The following CYP4X1 variants were observed in gnomAD, a reference collection of about 807,000 sequenced individuals.
CYP4X1 encodes cytochrome P450 family 4 subfamily X member 1.
In CYP4X1, 44 loss-of-function variants were observed where a neutral mutation model predicts 57.9. The observed-to-expected ratio is 0.76, with a 90% CI of 0.60 to 0.98. The LOEUF (loss-of-function observed/expected upper bound fraction) is 0.98. CYP4X1 is among the 50% of genes least tolerant of loss of function. The pLI is 0.00. For synonymous variants in CYP4X1, 227 were observed against 228.6 expected (o/e 0.99, Z 0.06); for missense variants, 532 against 623.9 (o/e 0.85, Z 1.57).
chr1:46,991,024 T>C, the CYP4X1 span, among the ~76,000 whole-genome samples: 1 of 150,274 alleles, frequency 6.7e-6, no homozygotes, highest in Non-Finnish European at 1.5e-5. Context: ...GTTCTGCACA[T>C]GTATCCCAGA....
the CYP4X1 span, among the ~76,000 whole-genome samples, chr1:46,986,615 T>A: frequency 2.0e-5 from 3 of 150,450 alleles, no homozygotes; most frequent in African/African-American, 7.4e-5. Flanking sequence ...AAGGAAAAAA[T>A]GTTAAGGGCA....
downstream of CYP4X1, among the ~76,000 whole-genome samples, chr1:47,053,852 C>T (rs1644374691): frequency 6.6e-6 from 1 of 152,170 alleles, no homozygotes; most frequent in African/African-American, 2.4e-5. Flanking sequence ...CAAAAATTTT[C>T]TCCCATTCTG....
At chr1:47,045,952 G>A (rs575189694) in intron 8 of CYP4X1, among the ~76,000 whole-genome samples, 1 of 152,158 alleles carries the variant, frequency 6.6e-6, no homozygotes, top group Non-Finnish European at 1.5e-5. Context: ...TCTGTTCTGA[G>A]TTATAGCCTT....
the CYP4X1 span, among the ~76,000 whole-genome samples, chr1:47,014,810 G>A: frequency 6.6e-6 from 1 of 152,126 alleles, no homozygotes; most frequent in Non-Finnish European, 1.5e-5. Context: ...AGAAGTATGA[G>A]CCTTCACAGG....
chr1:47,011,567 T>C, the CYP4X1 span, among the ~76,000 whole-genome samples: 7 of 152,288 alleles, frequency 4.6e-5, no homozygotes, highest in African/African-American at 1.7e-4. Flanking sequence ...TGTGATCTAA[T>C]TAAACTAAAG....
At chr1:47,035,680 T>C in intron 4 of CYP4X1, 126 bp from the exon 5 acceptor site, 1 of 1,379,494 alleles carries the variant, frequency 7.2e-7, no homozygotes, top group South Asian at 1.6e-5. Context: ...TCATGTGATC[T>C]TTGGTTCCTG....
At chr1:47,025,389 A>G (rs1433514888) in intron 1 of CYP4X1, among the ~76,000 whole-genome samples, 1 of 152,192 alleles carries the variant, frequency 6.6e-6, no homozygotes, top group Non-Finnish European at 1.5e-5. Context: ...CTCTTTGTGA[A>G]TGACCCAGCC....
chr1:47,035,094 G>GGCT (rs1024888070), intron 4 of CYP4X1, among the ~76,000 whole-genome samples: 3 of 149,312 alleles, frequency 2.0e-5, no homozygotes, highest in African/African-American at 7.4e-5. Context: ...TTAAGCTAGG[G>GGCT]GCTAGGTGCT....
At chr1:47,005,395 C>G in the CYP4X1 span, among the ~76,000 whole-genome samples, 1 of 152,032 alleles carries the variant, frequency 6.6e-6, no homozygotes, top group Non-Finnish European at 1.5e-5. Context: ...GGGGGTTTGG[C>G]CTTTAAAAAT....
chr1:46,974,047 G>A, the CYP4X1 span, among the ~76,000 whole-genome samples: 1 of 151,980 alleles, frequency 6.6e-6, no homozygotes, highest in South Asian at 2.1e-4. Context: ...TTTTTCATGT[G>A]AGTGATTAGT....
chr1:46,972,733 G>A, the CYP4X1 span, among the ~76,000 whole-genome samples: 1 of 152,028 alleles, frequency 6.6e-6, no homozygotes, highest in Non-Finnish European at 1.5e-5. Flanking sequence ...TTGGCTCTCA[G>A]CTTGGATGCT....
At chr1:46,966,104 C>T in the CYP4X1 span, among the ~76,000 whole-genome samples, 1 of 152,222 alleles carries the variant, frequency 6.6e-6, no homozygotes. Flanking sequence ...ATGGCTGCCA[C>T]TCCTCCCACT....
upstream of CYP4X1, among the ~76,000 whole-genome samples, chr1:47,020,787 T>A (rs1643987813): frequency 6.6e-6 from 1 of 152,212 alleles, no homozygotes; most frequent in Admixed American, 6.5e-5. Flanking sequence ...ATAATAGACT[T>A]CCACATCTTA....
the CYP4X1 span, among the ~76,000 whole-genome samples, chr1:46,971,319 A>G: frequency 6.6e-6 from 1 of 152,132 alleles, no homozygotes; most frequent in Non-Finnish European, 1.5e-5. Flanking sequence ...TATTGAGTCC[A>G]CTGTTGATGG....
chr1:46,981,418 A>T, the CYP4X1 span, among the ~76,000 whole-genome samples: 1 of 152,216 alleles, frequency 6.6e-6, no homozygotes, highest in South Asian at 2.1e-4. Flanking sequence ...AATGCAAATC[A>T]AAACCACAAT....
At chr1:47,041,450 A>G (rs1644245657) in intron 8 of CYP4X1, among the ~76,000 whole-genome samples, 1 of 151,990 alleles carries the variant, frequency 6.6e-6, no homozygotes, top group Non-Finnish European at 1.5e-5. Context: ...CCTCACCAAC[A>G]TTTGTCTTTT....
chr1:47,039,356 C>T lies in CYP4X1; in HGVS notation c.897C>T (p.Ser299=). ...IVLSAKDESG[S]SFSDIDVHSE... ...GTACTTTCTAGGATGAAAGTGGTAG[C>T]AGCTTCTCAGATATTGATGTACACT... is the stretch of plus-strand genomic sequence containing the variant. Residue 299 remains serine, a synonymous_variant, in exon 8 of 12, where the codon AGC becomes AGT. Transcript: ENST00000371901. The T allele has an allele frequency of 6.3e-7, 1 of 1,594,478 alleles. No homozygotes were observed. Among genetic ancestry groups the T allele is most frequent in the Non-Finnish European group, 8.5e-7 (1 of 1,172,634 alleles).
At chr1:47,041,912 G>A (rs1644250479) in intron 8 of CYP4X1, among the ~76,000 whole-genome samples, 1 of 151,982 alleles carries the variant, frequency 6.6e-6, no homozygotes, top group Non-Finnish European at 1.5e-5. Flanking sequence ...ATAGTTTCAG[G>A]TCATATGTTT....
the CYP4X1 span, among the ~76,000 whole-genome samples, chr1:46,985,663 G>A: frequency 6.6e-6 from 1 of 152,174 alleles, no homozygotes; most frequent in African/African-American, 2.4e-5. Flanking sequence ...AGCTTCCAGA[G>A]GAAGAAACAG....
Sources: gnomAD v4.1 joint callset for allele counts (sites outside exome capture counted in the v4.1 genomes callset) on GRCh38, gnomAD v4.1.1 for gene constraint, MANE v1.5 for transcripts, NCBI Gene and HGNC (gene_info 2026-07-23, HGNC 2026-07-21) for gene names.